TMEM161B: variants seen among roughly 807,000 people sequenced by gnomAD.
TMEM161B encodes the protein transmembrane protein 161B.
A neutral mutation model predicts 61.8 loss-of-function variants in TMEM161B; 34 were observed. That is an observed-to-expected ratio of 0.55 (90% CI 0.42 to 0.73). The LOEUF (loss-of-function observed/expected upper bound fraction) is 0.73. Ranked by LOEUF, TMEM161B falls within the 30% of genes least tolerant of loss-of-function variation. TMEM161B has a pLI of 0.00. For missense variants in TMEM161B, 456 were observed against 558.5 expected (o/e 0.82, Z 1.85); for synonymous variants, 167 against 192.8 (o/e 0.87, Z 1.11).
At chr5:88,215,521 C>T (rs1050551221) in intron 5 of TMEM161B, among the ~76,000 whole-genome samples, 1 of 152,038 alleles carries the variant, frequency 6.6e-6, no homozygotes, top group Non-Finnish European at 1.5e-5. Flanking sequence ...CATACTCAAG[C>T]ATACACACAA....
chr5:88,245,630 T>A (rs1049216952), intron 1 of TMEM161B, among the ~76,000 whole-genome samples: 8 of 152,122 alleles, frequency 5.3e-5, no homozygotes, highest in Middle Eastern at 3.4e-3. Context: ...AAAAATTATG[T>A]CTCAGTCACA....
At chr5:88,186,956 G>C (rs149573656), downstream of TMEM161B, among the ~76,000 whole-genome samples, 264 of 152,246 alleles carry the variant, frequency 1.7e-3, 7 homozygotes, top group Admixed American at 0.015. Flanking sequence ...TTAATACTTT[G>C]TGTCCTAAGA....
At chr5:88,215,047 G>A (rs556648944) in intron 5 of TMEM161B, among the ~76,000 whole-genome samples, 109 of 152,286 alleles carry the variant, frequency 7.2e-4, no homozygotes, top group Non-Finnish European at 6.8e-4. Context: ...CAGTGAGGGG[G>A]GAAAGACAAC....
chr5:88,209,361 G>C (rs1353416488), intron 5 of TMEM161B, among the ~76,000 whole-genome samples: 1 of 152,034 alleles, frequency 6.6e-6, no homozygotes, highest in Non-Finnish European at 1.5e-5. Flanking sequence ...AATCTATAAG[G>C]AGACAATTTC....
chr5:88,251,422 T>C (rs1348205547), intron 1 of TMEM161B, among the ~76,000 whole-genome samples: 2 of 152,158 alleles, frequency 1.3e-5, no homozygotes, highest in Admixed American at 6.5e-5. Flanking sequence ...CCTCCCACAA[T>C]TCTAATCTTG....
intron 8 of TMEM161B, among the ~76,000 whole-genome samples, chr5:88,205,050 A>T (rs754502418): frequency 1.3e-5 from 2 of 152,200 alleles, no homozygotes; most frequent in South Asian, 4.1e-4. Context: ...CTTCTACTGC[A>T]AAACAAAACG....
At chr5:88,185,927 G>A (rs1209628516), downstream of TMEM161B, among the ~76,000 whole-genome samples, 1 of 152,158 alleles carries the variant, frequency 6.6e-6, no homozygotes, top group Non-Finnish European at 1.5e-5. Flanking sequence ...TCATAAACAT[G>A]GCATTTCTAA....
intron 4 of TMEM161B, among the ~76,000 whole-genome samples, chr5:88,222,867 A>G (rs1749258003): frequency 6.6e-6 from 1 of 152,130 alleles, no homozygotes; most frequent in Non-Finnish European, 1.5e-5. Context: ...ATGCCTTTTA[A>G]TAAAATATTG....
At chr5:88,233,129 G>T (rs142728492) in intron 2 of TMEM161B, among the ~76,000 whole-genome samples, 69 of 152,292 alleles carry the variant, frequency 4.5e-4, no homozygotes, top group African/African-American at 1.6e-3. Context: ...CAGATACTCT[G>T]CTAGGCAGAG....
chr5:88,252,100 A>AT (rs1304720981), intron 1 of TMEM161B, among the ~76,000 whole-genome samples: 1 of 152,172 alleles, frequency 6.6e-6, no homozygotes, highest in Non-Finnish European at 1.5e-5. Context: ...GGGTTGTAGA[A>AT]TTTTTTTAAA....
intron 2 of TMEM161B, among the ~76,000 whole-genome samples, chr5:88,232,938 T>C (rs759365034): frequency 5.3e-5 from 8 of 152,226 alleles, no homozygotes; most frequent in Non-Finnish European, 1.0e-4. Flanking sequence ...AACTCATTTC[T>C]CTAAAATGGC....
intron 5 of TMEM161B, among the ~76,000 whole-genome samples, chr5:88,207,440 C>T (rs1337449334): frequency 6.6e-6 from 1 of 152,040 alleles, no homozygotes; most frequent in African/African-American, 2.4e-5. Context: ...ACATGAAAAG[C>T]CAGGGTAGAG....
chr5:88,192,100 G>A (rs1355393687), downstream of TMEM161B, among the ~76,000 whole-genome samples: 3 of 141,214 alleles, frequency 2.1e-5, no homozygotes, highest in South Asian at 2.2e-4. Context: ...ACAGAAATGG[G>A]ATGAGATGTT....
rs1756777894 is a variant in TMEM161B at position 88,268,795 on chromosome 5, T to G, written c.-72A>C. The stretch of plus-strand genomic sequence containing the variant: ...CAGTCCCAAACCTCTTACCTCCCGG[T>G]CCTTGAGCCGAGAGACTCTCAAACA... On this transcript the variant is annotated 5_prime_UTR_variant, in exon 1 of 12. Transcript: ENST00000296595. 1 of 1,611,108 alleles carries G rather than the reference T, an allele frequency of 6.2e-7. No individual in the cohort carries two copies. Among genetic ancestry groups the G allele is most frequent in the Admixed American group, 1.7e-5 (1 of 59,586 alleles).
intron 10 of TMEM161B, chr5:88,198,313 G>A (rs1366156811): frequency 6.6e-6 from 1 of 152,104 alleles, no homozygotes; most frequent in Non-Finnish European, 1.5e-5. Flanking sequence ...ACTGAAGCTG[G>A]TTGGGCGTGG....
chr5:88,230,087 G>A (rs1157388659), intron 2 of TMEM161B, among the ~76,000 whole-genome samples: 2 of 152,074 alleles, frequency 1.3e-5, no homozygotes, highest in Admixed American at 1.3e-4. Context: ...GGGAGAGGGT[G>A]AGGTGGGAGG....
rs1466835344 is a variant in TMEM161B at position 88,197,591 on chromosome 5, T to C, written c.1186+78A>G. The C allele has an allele frequency of 3.3e-6, 4 of 1,219,390 alleles. No homozygotes were observed. The African/African-American group carries it at 6.2e-5, about 19-fold the overall frequency. 75.5% of individuals were successfully genotyped at this position (1,219,390 alleles called of 1,614,324 possible). ...GAGAAACAATTTTAAGAGTTGCATT[T>C]CTTTGTTGGTGACAAAAAGCTTTAT... On this transcript the variant is annotated intron_variant, in intron 11 of 11. Coordinates refer to ENST00000296595, the MANE Select transcript of TMEM161B (RefSeq NM_153354.5).
Position 88,197,966 on chromosome 5 carries a change from C to T in TMEM161B, c.1090-201G>A, listed in dbSNP as rs756165689. 1.4e-4 allele frequency: 57 copies of T among 410,870 alleles called. 1 individual carries two copies. Among genetic ancestry groups the T allele is most frequent in the Non-Finnish European group, 2.3e-4 (51 of 224,786 alleles). 25.5% of individuals were successfully genotyped at this position (410,870 alleles called of 1,614,324 possible). On this transcript the variant is annotated intron_variant, in intron 10 of 11. Transcript: ENST00000296595. ...TCAATTTGAAGACAAGTTTTTAGAA[C>T]GTGAGAATATTAAAATAGATTCCTT...
chr5:88,259,434 G>T (rs545312471), intron 1 of TMEM161B: 3 of 152,264 alleles, frequency 2.0e-5, no homozygotes, highest in African/African-American at 7.2e-5. Context: ...AAAGAACTGG[G>T]ATAACCGTGA....
Sources: allele counts gnomAD v4.1 joint callset (sites outside exome capture counted in the v4.1 genomes callset), GRCh38; gene constraint gnomAD v4.1.1; transcripts MANE v1.5; gene names NCBI Gene and HGNC (gene_info 2026-07-23, HGNC 2026-07-21).